GRID2IP: variants seen among roughly 807,000 people sequenced by gnomAD.
GRID2IP encodes the protein delphilin.
Under a neutral mutation model 114.3 loss-of-function variants are expected in GRID2IP, and 78 were observed. That is an observed-to-expected ratio of 0.68 (90% confidence interval 0.57 to 0.82). The LOEUF (loss-of-function observed/expected upper bound fraction) is 0.82, where lower values mean the gene tolerates loss of function less well. GRID2IP is among the 40% of genes least tolerant of loss of function. The pLI, the probability that GRID2IP is intolerant of heterozygous loss-of-function variation, is 0.00. For synonymous variants in GRID2IP, 809 were observed against 724.0 expected, an observed-to-expected ratio of 1.12 and a Z score of -1.89; for missense variants, 1,727 against 1,678.5, an observed-to-expected ratio of 1.03 and a Z score of -0.51.
At chr7:6,500,146 C>G (rs1399822101) in intron 20 of GRID2IP, among the ~76,000 whole-genome samples, 2 of 152,072 alleles carry the variant, frequency 1.3e-5, no homozygotes, top group African/African-American at 4.8e-5. Context: ...CTTACCTAAA[C>G]AGCCTCAGTT....
At chr7:6,515,367 T>A (rs1164694260) in intron 7 of GRID2IP, among the ~76,000 whole-genome samples, 4 of 151,002 alleles carry the variant, frequency 2.6e-5, no homozygotes, top group African/African-American at 9.8e-5. Context: ...GAGGCTGAAG[T>A]AGGAGAATCG....
intron 1 of GRID2IP, among the ~76,000 whole-genome samples, chr7:6,542,930 G>A (rs533417316): frequency 4.6e-5 from 7 of 152,284 alleles, no homozygotes; most frequent in East Asian, 1.9e-4. Context: ...AAGGCTGGGC[G>A]GCTGAGTGAG....
At chr7:6,535,585 G>T (rs966028635) in intron 2 of GRID2IP, among the ~76,000 whole-genome samples, 1 of 152,108 alleles carries the variant, frequency 6.6e-6, no homozygotes, top group Non-Finnish European at 1.5e-5. Flanking sequence ...TTACCTCTTG[G>T]TGGGGCACAG....
rs973313559 is a variant in GRID2IP, at chr7:6,508,838, A to G, written c.2127+120T>C. 1.5e-5 allele frequency: 22 copies of G among 1,419,966 alleles called. No individual in the cohort carries two copies. The highest frequency in any genetic ancestry group is 2.0e-5 in the Non-Finnish European group (21 of 1,075,888). The allele number at this position is 1,419,966 out of a possible 1,614,324, so 88.0% of individuals were successfully genotyped here. A position where few individuals can be genotyped will look rare whatever the true frequency, so the allele number is the denominator to read the frequency against. ...GGGATAGCTTGAGCTAGGGAGTGGG[A>G]TAGCCTGGGGAAGATCCCAAGGGCA... On this transcript the variant is annotated intron_variant, in intron 12 of 21. Coordinates refer to ENST00000457091, the MANE Select transcript of GRID2IP (RefSeq NM_001145118.2). This position sits in a 1 kb window ranked among gnomAD's most constrained non-coding sequence, Gnocchi z 5.6.
chr7:6,517,632 G>A (rs115434779), intron 7 of GRID2IP, among the ~76,000 whole-genome samples: 9,217 of 152,088 alleles, frequency 0.061, 916 homozygotes, highest in African/African-American at 0.21. Flanking sequence ...GTGTCCAGCC[G>A]TCGTGGCTCA....
At chr7:6,530,574 C>A (rs966776880) in intron 2 of GRID2IP, among the ~76,000 whole-genome samples, 2 of 151,752 alleles carry the variant, frequency 1.3e-5, no homozygotes, top group African/African-American at 4.8e-5. Flanking sequence ...GCGCCTGGCC[C>A]CCCACCCAGC....
intron 1 of GRID2IP, 23 bp downstream of exon 1, chr7:6,550,985 C>A (rs1229961123): frequency 6.7e-6 from 8 of 1,200,968 alleles, no homozygotes; most frequent in South Asian, 3.8e-5. Flanking sequence ...TTCCCGCCCC[C>A]ACCTCCCACC....
chr7:6,544,816 T>A (rs1238259208), intron 1 of GRID2IP, among the ~76,000 whole-genome samples: 1 of 151,864 alleles, frequency 6.6e-6, no homozygotes, highest in Non-Finnish European at 1.5e-5. Context: ...GCGCGGTGGC[T>A]CATGCCTGTA....
At chr7:6,529,519 G>T (rs148258570) in intron 2 of GRID2IP, among the ~76,000 whole-genome samples, 10 of 152,224 alleles carry the variant, frequency 6.6e-5, no homozygotes, top group African/African-American at 2.4e-4. Context: ...ATGGAAGAAG[G>T]TTGGGCAGCC....
At chr7:6,530,713 A>G (rs1045978303) in intron 2 of GRID2IP, among the ~76,000 whole-genome samples, 1 of 152,014 alleles carries the variant, frequency 6.6e-6, no homozygotes, top group Non-Finnish European at 1.5e-5. Flanking sequence ...GATGCCCCCG[A>G]TTTTCACAAG....
At position 6,521,442 on chromosome 7, in the gene GRID2IP, G is replaced by T. The variant is rs1166201508; in HGVS notation, c.1071C>A (p.Val357=). 6.5e-7 allele frequency: 1 copy of T among 1,546,996 alleles called. No individual in the cohort carries two copies. The highest frequency in any genetic ancestry group is 2.5e-5 in the East Asian group (1 of 40,774). ...MPTLVVEEGL[V]PFASDSDSLD... ...TGGGGGTCTCACCACTGGCAAATGG[G>T]ACGAGCCCTTCCTCCACCACCAGCG... The change falls in exon 6 of 22, where the codon GTC becomes GTA. Residue 357 remains valine (V), a synonymous_variant. Coordinates refer to ENST00000457091, the MANE Select transcript of GRID2IP (RefSeq NM_001145118.2). The surrounding 1 kb of genome is among the most constrained non-coding windows in gnomAD (Gnocchi z 4.1).
chr7:6,520,440 A>G lies in GRID2IP; in HGVS notation c.1268+138T>C. Reference sequence around the variant, plus strand: ...ATTGCCCACCACCCTGGGGCCCCTGATACCAGCAGCCACCTTCCTGAGCAT... The same window carrying G: ...ATTGCCCACCACCCTGGGGCCCCTGGTACCAGCAGCCACCTTCCTGAGCAT... On this transcript the variant is annotated intron_variant, in intron 7 of 21. Transcript: ENST00000457091. This position sits in a 1 kb window ranked among gnomAD's most constrained non-coding sequence, Gnocchi z 4.6. The G allele has an allele frequency of 1.0e-6, 1 of 982,444 alleles. No individual in the cohort carries two copies. 60.9% of individuals were successfully genotyped at this position (982,444 alleles called of 1,614,324 possible).
intron 15 of GRID2IP, among the ~76,000 whole-genome samples, chr7:6,504,057 A>G (rs1409771435): frequency 7.3e-6 from 1 of 137,360 alleles, no homozygotes; most frequent in African/African-American, 2.8e-5. Flanking sequence ...GGACAAGGGA[A>G]GCAGGTAGAC....
Position 6,526,793 on chromosome 7 carries a change from G to T in GRID2IP, c.585-24C>A. The T allele has an allele frequency of 6.7e-7, 1 of 1,488,882 alleles. No homozygotes were observed. Among genetic ancestry groups the T allele is most frequent in the East Asian group, 2.8e-5 (1 of 35,426 alleles). The allele number at this position is 1,488,882 out of a possible 1,614,324, so 92.2% of individuals were successfully genotyped here. ...TCCTGCCGGCGAGGACGGCGGAGTC[G>T]GGGCGCGTTCCCGGACCCCGGATCT... On this transcript the variant is annotated intron_variant, in intron 2 of 21. Transcript: ENST00000457091. The surrounding 1 kb of genome is among the most constrained non-coding windows in gnomAD (Gnocchi z 7.6).
chr7:6,550,976 T>TGGCCC, intron 1 of GRID2IP, 32 bp downstream of exon 1: 8 of 1,015,782 alleles, frequency 7.9e-6, no homozygotes, highest in African/African-American at 3.4e-5. Context: ...GCCCCCTCCT[T>TGGCCC]CCCGCCCCCA....
At position 6,496,895 on chromosome 7, in the gene GRID2IP, G is replaced by C. The variant is rs1463722999; in HGVS notation, c.*879C>G. Among the ~76,000 whole-genome samples the C allele has an allele frequency of 1.3e-5, 2 of 152,056 alleles. No homozygotes were observed. Among genetic ancestry groups the C allele is most frequent in the Non-Finnish European group, 2.9e-5 (2 of 67,998 alleles). On this transcript the variant is annotated 3_prime_UTR_variant, in exon 22 of 22. Transcript: ENST00000457091. ...TGCTCCTGGTATCCAGGTAACTCCT[G>C]CTATATGCCTAGGCACATGTAAAAT...
chr7:6,543,238 T>C (rs142893496), intron 1 of GRID2IP, among the ~76,000 whole-genome samples: 79 of 151,972 alleles, frequency 5.2e-4, no homozygotes, highest in Non-Finnish European at 9.0e-4. Flanking sequence ...CTACTACAAA[T>C]ACAAAAATTA....
chr7:6,511,130 G>A, intron 8 of GRID2IP, 91 bp from the exon 9 acceptor site: 1 of 1,289,522 alleles, frequency 7.8e-7, no homozygotes, highest in Non-Finnish European at 9.8e-7. Context: ...GATGTCATCT[G>A]CACCAATATG....
rs1458142799 is a variant in GRID2IP, at chr7:6,520,158, T to C, written c.1268+420A>G. Reference sequence around the variant, plus strand: ...ATACAAAAAAATTAGCCGGGTGTGGTGGTGGGCACCTGTAATCCCAGCTAC... The same window carrying C: ...ATACAAAAAAATTAGCCGGGTGTGGCGGTGGGCACCTGTAATCCCAGCTAC... On this transcript the variant is annotated intron_variant, in intron 7 of 21. Transcript: ENST00000457091. This position sits in a 1 kb window ranked among gnomAD's most constrained non-coding sequence, Gnocchi z 4.6. Among the ~76,000 whole-genome samples the C allele has an allele frequency of 2.0e-5, 3 of 152,024 alleles. No homozygotes were observed. The East Asian group carries it at 5.8e-4, about 29-fold the overall frequency.
Sources: gnomAD v4.1 joint callset for allele counts (sites outside exome capture counted in the v4.1 genomes callset) on GRCh38, gnomAD v4.1.1 for gene constraint, Gnocchi (gnomAD v3.1) non-coding constraint, MANE v1.5 for transcripts, NCBI Gene and HGNC (gene_info 2026-07-23, HGNC 2026-07-21) for gene names.